Variants in TMTC2 observed in about 807,000 individuals in gnomAD.
TMTC2 encodes the protein transmembrane O-mannosyltransferase targeting cadherins 2, also known as protein O-mannosyl-transferase TMTC2.
Under a neutral mutation model 82.4 loss-of-function variants are expected in TMTC2, and 43 were observed. The observed-to-expected ratio is 0.52, with a 90% confidence interval of 0.41 to 0.67. The LOEUF (loss-of-function observed/expected upper bound fraction) is 0.67, where lower values mean the gene tolerates loss of function less well. Ranked by LOEUF, TMTC2 falls within the 30% of genes least tolerant of loss-of-function variation. The pLI, the probability that TMTC2 is intolerant of heterozygous loss-of-function variation, is 0.00. For synonymous variants in TMTC2, 408 were observed against 381.9 expected, an observed-to-expected ratio of 1.07 and a Z score of -0.80; for missense variants, 919 against 1,012.4, an observed-to-expected ratio of 0.91 and a Z score of 1.25.
intron 11 of TMTC2, among the ~76,000 whole-genome samples, chr12:83,111,809 G>A (rs545526497): frequency 2.0e-4 from 30 of 152,204 alleles, no homozygotes; most frequent in African/African-American, 7.0e-4. Context: ...AGAATATTGG[G>A]TGTAATTGAT....
intron 1 of TMTC2, among the ~76,000 whole-genome samples, chr12:82,749,330 TCAC>T (rs1875856630): frequency 2.3e-3 from 4 of 1,726 alleles, no homozygotes; most frequent in Non-Finnish European, 0.013. Flanking sequence ...AAACTAATAC[TCAC>T]ACATTTGTAT....
At position 82,836,981 on chromosome 12, in the gene TMTC2, C is replaced by G. The variant is rs570473699; in HGVS notation, c.84-20029C>G. ...TGCCATCACTTTTTTCCTTTTCATCCTCGAATTCATTTAGTTTCTAATTAG... is the reference window on the plus strand; with the variant it reads ...TGCCATCACTTTTTTCCTTTTCATCGTCGAATTCATTTAGTTTCTAATTAG... On this transcript the variant is annotated intron_variant, in intron 1 of 11. Transcript: ENST00000321196. 2.8e-4 allele frequency among the ~76,000 whole-genome samples: 43 copies of G among 152,206 alleles called. 1 individual carries two copies. Among genetic ancestry groups the G allele is most frequent in the Middle Eastern group, 3.4e-3 (1 of 294 alleles).
intron 1 of TMTC2, among the ~76,000 whole-genome samples, chr12:82,781,483 A>G (rs1415091490): frequency 2.7e-5 from 4 of 147,702 alleles, no homozygotes; most frequent in African/African-American, 7.5e-5. Context: ...TGGTGGAAAT[A>G]CTGGGATGTT....
chr12:82,997,354 ATATATATATATGTG>A (rs1879688731), intron 8 of TMTC2, among the ~76,000 whole-genome samples: 1 of 28,900 alleles, frequency 3.5e-5, no homozygotes, highest in African/African-American at 1.0e-4. Flanking sequence ...GTGTGTATAT[ATATATATATATGTG>A]TATATATATA....
chr12:82,721,792 C>T lies in TMTC2; in HGVS notation c.83+34123C>T, dbSNP rs370435626. Among the ~76,000 whole-genome samples the T allele has an allele frequency of 9.2e-5, 14 of 152,314 alleles. No homozygotes were observed. In the East Asian group the frequency reaches 1.7e-3, roughly 19 times the overall value. On this transcript the variant is annotated intron_variant, in intron 1 of 11. Coordinates refer to ENST00000321196, the MANE Select transcript of TMTC2 (RefSeq NM_152588.3). ...CTTTAATAATATGTGTGACTATTTACGTAGCATGTAACCTTTTATTCTAAG... is the reference window on the plus strand; with the variant it reads ...CTTTAATAATATGTGTGACTATTTATGTAGCATGTAACCTTTTATTCTAAG...
intron 9 of TMTC2, among the ~76,000 whole-genome samples, chr12:83,049,619 A>G (rs7302484): frequency 0.88 from 133,448 of 152,286 alleles, 58,871 homozygotes; most frequent in East Asian, 1. Flanking sequence ...TGTTAACAAT[A>G]AACATATACA....
At chr12:82,990,223 G>T (rs566564103) in intron 8 of TMTC2, among the ~76,000 whole-genome samples, 4 of 152,078 alleles carry the variant, frequency 2.6e-5, no homozygotes, top group African/African-American at 7.2e-5. Context: ...AAAATGAAAT[G>T]CAACTATATT....
chr12:83,122,925 C>A (rs1397933741), intron 11 of TMTC2, among the ~76,000 whole-genome samples: 2 of 152,140 alleles, frequency 1.3e-5, no homozygotes, highest in African/African-American at 2.4e-5. Context: ...CATCAAGAAA[C>A]CCAGCTTTGA....
At chr12:82,711,518 G>A (rs943923239) in intron 1 of TMTC2, among the ~76,000 whole-genome samples, 2 of 152,036 alleles carry the variant, frequency 1.3e-5, no homozygotes, top group Non-Finnish European at 2.9e-5. Flanking sequence ...ACTTCAAAAG[G>A]TCTGAGGAGA....
At chr12:82,931,651 T>C (rs577333093) in intron 4 of TMTC2, among the ~76,000 whole-genome samples, 1 of 152,174 alleles carries the variant, frequency 6.6e-6, no homozygotes, top group African/African-American at 2.4e-5. Context: ...TAGTGCCTGA[T>C]TGTGTTTCAG....
intron 9 of TMTC2, among the ~76,000 whole-genome samples, chr12:83,038,142 T>TG (rs1295205090): frequency 2.0e-5 from 1 of 49,412 alleles, no homozygotes; most frequent in Non-Finnish European, 3.6e-5. Context: ...TGCTGTGGGG[T>TG]GGGGGGAGGG....
intron 8 of TMTC2, among the ~76,000 whole-genome samples, chr12:83,007,779 A>G (rs1048093328): frequency 2.6e-5 from 4 of 152,190 alleles, no homozygotes; most frequent in Non-Finnish European, 5.9e-5. Flanking sequence ...TTCTGCCTGA[A>G]GAAAATCTTG....
chr12:83,076,982 G>T (rs1459514700), intron 11 of TMTC2, among the ~76,000 whole-genome samples: 4 of 152,096 alleles, frequency 2.6e-5, no homozygotes, highest in Admixed American at 2.6e-4. Flanking sequence ...CCATGTCCTT[G>T]TTAAAGAAGA....
At chr12:82,870,954 T>G (rs1049482348) in intron 2 of TMTC2, among the ~76,000 whole-genome samples, 1 of 152,218 alleles carries the variant, frequency 6.6e-6, no homozygotes, top group Non-Finnish European at 1.5e-5. Flanking sequence ...TTGATTCTCT[T>G]TCATTCTGCA....
chr12:83,039,683 C>T (rs1047969687), intron 9 of TMTC2, among the ~76,000 whole-genome samples: 5 of 152,010 alleles, frequency 3.3e-5, no homozygotes, highest in Admixed American at 3.3e-4. Flanking sequence ...TAGATAAATT[C>T]TTTACAGGGC....
At chr12:82,926,215 G>A (rs189738589) in intron 3 of TMTC2, among the ~76,000 whole-genome samples, 3 of 152,192 alleles carry the variant, frequency 2.0e-5, no homozygotes, top group East Asian at 1.9e-4. Context: ...TCCTGACCTC[G>A]TGATCCGCCT....
At chr12:82,786,493 A>G (rs1878180612) in intron 1 of TMTC2, among the ~76,000 whole-genome samples, 1 of 152,098 alleles carries the variant, frequency 6.6e-6, no homozygotes, top group Admixed American at 6.6e-5. Context: ...ATTTTCTCCA[A>G]TTTGTACTTT....
chr12:83,061,143 A>T lies in TMTC2; in HGVS notation c.2268-625A>T, dbSNP rs115417196. Among the ~76,000 whole-genome samples, 421 of 151,914 alleles carry T rather than the reference A, an allele frequency of 2.8e-3. 2 individuals are homozygous for T. The highest frequency in any genetic ancestry group is 9.2e-3 in the African/African-American group (382 of 41,522). On this transcript the variant is annotated intron_variant, in intron 10 of 11. Coordinates refer to ENST00000321196, the MANE Select transcript of TMTC2 (RefSeq NM_152588.3). ...GCGAATGAATTCTGGCCTTGCTTTCATCTTTCTGTCACTTAGGAATGAAAG... is the reference window on the plus strand; with the variant it reads ...GCGAATGAATTCTGGCCTTGCTTTCTTCTTTCTGTCACTTAGGAATGAAAG...
chr12:82,851,486 A>T (rs1870973876), intron 1 of TMTC2, among the ~76,000 whole-genome samples: 2 of 152,166 alleles, frequency 1.3e-5, no homozygotes, highest in South Asian at 2.1e-4. Flanking sequence ...GCATGTAATC[A>T]TTTACTCTTC....
Sources: gnomAD v4.1 joint callset for allele counts (sites outside exome capture counted in the v4.1 genomes callset) on GRCh38, gnomAD v4.1.1 for gene constraint, MANE v1.5 for transcripts, NCBI Gene and HGNC (gene_info 2026-07-23, HGNC 2026-07-21) for gene names.